The following CCSER2 variants were observed in gnomAD, a reference collection of about 807,000 sequenced individuals.
The protein encoded by CCSER2 is coiled-coil serine rich protein 2, also known as serine-rich coiled-coil domain-containing protein 2.
A neutral mutation model predicts 92.3 loss-of-function variants in CCSER2; 46 were observed. That is an observed-to-expected ratio of 0.50 (90% CI 0.39 to 0.64). CCSER2 has a LOEUF of 0.64. Ranked by LOEUF, CCSER2 falls within the 30% of genes least tolerant of loss-of-function variation. The pLI is 0.00. For synonymous variants in CCSER2, 433 were observed against 431.4 expected (o/e 1.00, Z -0.04); for missense variants, 1,244 against 1,238.9 (o/e 1.00, Z -0.06).
At chr10:84,483,953 TTATA>T (rs57427963) in intron 9 of CCSER2, among the ~76,000 whole-genome samples, 1,635 of 47,398 alleles carry the variant, frequency 0.034, 17 homozygotes, top group East Asian at 0.079. Context: ...CCCGGCTAAT[TTATA>T]TATATATATA....
intron 6 of CCSER2, among the ~76,000 whole-genome samples, chr10:84,451,475 C>A (rs1045009968): frequency 2.0e-5 from 3 of 151,974 alleles, no homozygotes; most frequent in Non-Finnish European, 2.9e-5. Flanking sequence ...GCAAAAGTTA[C>A]TGAGGAAAAT....
At chr10:84,396,045 C>CAAG (rs1214902618) in intron 3 of CCSER2, among the ~76,000 whole-genome samples, 2 of 152,028 alleles carry the variant, frequency 1.3e-5, no homozygotes, top group Admixed American at 1.3e-4. Context: ...TATTAAAGAC[C>CAAG]AAGAGCTCAC....
chr10:84,438,842 T>C, intron 6 of CCSER2, 135 bp downstream of exon 6: 1 of 564,322 alleles, frequency 1.8e-6, no homozygotes, highest in South Asian at 3.1e-5. Context: ...TTGTAAATAG[T>C]ATATAGTAGA....
Position 84,371,774 on chromosome 10 carries a change from C to T in CCSER2, c.722C>T (p.Ser241Leu). ...SFLPPSSITR[S>L]HSFNRAVDLT... ...CTTCCACCTTCATCTATAACCAGATCACATTCCTTTAATAGAGCTGTGGAT... is the reference window on the plus strand; with the variant it reads ...CTTCCACCTTCATCTATAACCAGATTACATTCCTTTAATAGAGCTGTGGAT... The change falls in exon 2 of 10, where the codon TCA becomes TTA. Residue 241 changes from serine (S) to leucine (L), a missense_variant. Ser to Leu is a moderately radical substitution (Grantham distance 145, BLOSUM62 -2). Coordinates refer to ENST00000372088, the MANE Select transcript of CCSER2 (RefSeq NM_001284240.2). 1 of 1,613,682 alleles carries T rather than the reference C, an allele frequency of 6.2e-7. No individual in the cohort carries two copies. Among genetic ancestry groups the T allele is most frequent in the Non-Finnish European group, 8.5e-7 (1 of 1,179,706 alleles).
At position 84,425,863 on chromosome 10, in the gene CCSER2, A is replaced by G. The variant is rs185632970; in HGVS notation, c.1838A>G (p.Tyr613Cys). The stretch of plus-strand genomic sequence containing the variant: ...TACCACCTCAGCCACCCTGACCACT[A>G]TCATCACCATGGAAAAAGTGACTTG... ...EHYHLSHPDH[Y>C]HHHGKSDLSR... Residue 613 changes from tyrosine to cysteine, a missense_variant, in exon 5 of 10, where the codon TAT (tyrosine) becomes TGT (cysteine). Physicochemically the swap from Tyr to Cys is radical, Grantham distance 194. Transcript: ENST00000372088. The G allele has an allele frequency of 9.0e-5, 145 of 1,610,250 alleles. No homozygotes were observed. Among genetic ancestry groups the G allele is most frequent in the Admixed American group, 2.4e-4 (14 of 59,434 alleles).
chr10:84,373,347 G>A (rs111992496), intron 2 of CCSER2, among the ~76,000 whole-genome samples: 19 of 152,214 alleles, frequency 1.2e-4, no homozygotes, highest in Admixed American at 3.3e-4. Context: ...ATAGGAATAT[G>A]AGGGTTTATT....
intron 3 of CCSER2, among the ~76,000 whole-genome samples, chr10:84,401,760 C>T (rs913634168): frequency 1.3e-5 from 2 of 152,234 alleles, no homozygotes; most frequent in African/African-American, 4.8e-5. Context: ...CAATATCCCT[C>T]ATTAACATCG....
intron 3 of CCSER2, among the ~76,000 whole-genome samples, chr10:84,386,212 A>G (rs1841195964): frequency 6.6e-6 from 1 of 152,254 alleles, no homozygotes; most frequent in South Asian, 2.1e-4. Context: ...TAGAATTACC[A>G]TTTGATCCAG....
chr10:84,417,984 T>C, intron 4 of CCSER2, 123 bp downstream of exon 4: 2 of 561,294 alleles, frequency 3.6e-6, no homozygotes, highest in Non-Finnish European at 6.5e-6. Flanking sequence ...TGAGAATCAG[T>C]CTTAAGTGAG....
intron 6 of CCSER2, among the ~76,000 whole-genome samples, chr10:84,463,515 C>T (rs1216889268): frequency 2.0e-5 from 3 of 152,242 alleles, no homozygotes; most frequent in African/African-American, 7.2e-5. Flanking sequence ...GCTGCTAAGC[C>T]TTACTGGGTT....
intron 1 of CCSER2, among the ~76,000 whole-genome samples, chr10:84,349,076 C>T (rs924375490): frequency 2.0e-5 from 3 of 151,926 alleles, no homozygotes; most frequent in African/African-American, 4.8e-5. Context: ...GGCCCAGTCA[C>T]CTTTATAGTA....
At chr10:84,350,235 ACT>A (rs1470906200) in intron 1 of CCSER2, among the ~76,000 whole-genome samples, 1 of 152,160 alleles carries the variant, frequency 6.6e-6, no homozygotes, top group Non-Finnish European at 1.5e-5. Flanking sequence ...GCGCCAGAGC[ACT>A]CTCTGCATAG....
intron 3 of CCSER2, among the ~76,000 whole-genome samples, chr10:84,415,147 A>G (rs2133379621): frequency 6.6e-6 from 1 of 152,324 alleles, no homozygotes; most frequent in South Asian, 2.1e-4. Context: ...CTACTGTGTC[A>G]GTTCAGCCAT....
chr10:84,374,105 G>A lies in CCSER2; in HGVS notation c.1614+290G>A, dbSNP rs1846207338. 8.6e-6 allele frequency: 5 copies of A among 581,630 alleles called. No individual in the cohort carries two copies. In the South Asian group the frequency reaches 1.4e-4, roughly 17 times the overall value. 36.0% of individuals were successfully genotyped at this position (581,630 alleles called of 1,614,324 possible). A position where few individuals can be genotyped will look rare whatever the true frequency, so the allele number is the denominator to read the frequency against. ...TATGCCAGTGGTTCTCAAAGACTGGGGGAGGAGGTCAATGACTGGAGGTGG... is the reference window on the plus strand; with the variant it reads ...TATGCCAGTGGTTCTCAAAGACTGGAGGAGGAGGTCAATGACTGGAGGTGG... On this transcript the variant is annotated intron_variant, in intron 3 of 9. Coordinates refer to ENST00000372088, the MANE Select transcript of CCSER2 (RefSeq NM_001284240.2).
chr10:84,370,861 T>G (rs75231476), intron 1 of CCSER2, among the ~76,000 whole-genome samples, 153 bp from the exon 2 acceptor site: 9 of 152,322 alleles, frequency 5.9e-5, no homozygotes, highest in East Asian at 1.9e-4. Context: ...TTAATTTAAT[T>G]AGTGCATTCG....
At chr10:84,334,382 T>C (rs1843724631) in intron 1 of CCSER2, among the ~76,000 whole-genome samples, 1 of 152,146 alleles carries the variant, frequency 6.6e-6, no homozygotes, top group African/African-American at 2.4e-5. Flanking sequence ...GTCCTTTCTT[T>C]TTAAGTGAAT....
At position 84,371,560 on chromosome 10, in the gene CCSER2, A is replaced by G. The variant is rs143432822; in HGVS notation, c.508A>G (p.Lys170Glu). 13 of 1,613,722 alleles carry G rather than the reference A, an allele frequency of 8.1e-6. No homozygotes were observed. The highest frequency in any genetic ancestry group is 2.2e-5 in the South Asian group (2 of 91,060). ...RTSYSSINTP[K>E]SQLNGFYGNR... ...TTCATATTCTTCGATCAATACTCCA[A>G]AATCACAGTTGAATGGATTTTATGG... Residue 170 changes from lysine (K) to glutamate (E), a missense_variant, in exon 2 of 10, where the codon AAA becomes GAA. By Grantham distance (56) the Lys-to-Glu change is moderately conservative (BLOSUM62 1). Coordinates refer to ENST00000372088, the MANE Select transcript of CCSER2 (RefSeq NM_001284240.2).
chr10:84,485,701 T>C lies in CCSER2; in HGVS notation c.2325+8037T>C, dbSNP rs61866509. ...TTAATTTAAGCATTTTTGATTTCTT[T>C]AATCAGCATTTTTCAGTTTTCAGAA... On this transcript the variant is annotated intron_variant, in intron 9 of 9. Transcript: ENST00000372088. 7.4e-3 allele frequency among the ~76,000 whole-genome samples: 1,134 copies of C among 152,350 alleles called. 8 individuals are homozygous for C. The highest frequency in any genetic ancestry group is 0.012 in the Non-Finnish European group (840 of 68,028).
intron 9 of CCSER2, among the ~76,000 whole-genome samples, chr10:84,485,561 T>C (rs945558762): frequency 1.3e-5 from 2 of 152,246 alleles, no homozygotes; most frequent in African/African-American, 4.8e-5. Context: ...AGTTAGTTTC[T>C]TTTTATTGCT....
Sources: allele counts gnomAD v4.1 joint callset (sites outside exome capture counted in the v4.1 genomes callset), GRCh38; gene constraint gnomAD v4.1.1; transcripts MANE v1.5; gene names NCBI Gene and HGNC (gene_info 2026-07-23, HGNC 2026-07-21).